Variants in KLF8 observed in about 807,000 individuals in gnomAD.
KLF8 encodes the protein KLF transcription factor 8.
Under a neutral mutation model 18.2 loss-of-function variants are expected in KLF8, and 10 were observed. That is an observed-to-expected ratio of 0.55 (90% CI 0.34 to 0.93). KLF8 has a LOEUF of 0.93. Among genes scored for constraint, KLF8 ranks in the 40% least tolerant of loss-of-function variants. KLF8 has a pLI of 0.02. For missense variants in KLF8, 264 were observed against 277.9 expected, an observed-to-expected ratio of 0.95 and a Z score of 0.36; for synonymous variants, 109 against 97.3, an observed-to-expected ratio of 1.12 and a Z score of -0.71.
the KLF8 span, among the ~76,000 whole-genome samples, chrX:56,068,042 GCCTCATGGTCTC>G: frequency 8.9e-6 from 1 of 112,201 alleles, no homozygotes; most frequent in African/African-American, 3.2e-5. Flanking sequence ...ATAGCCTTCA[GCCTCATGGTCTC>G]CCTTTTGTGT....
the KLF8 span, among the ~76,000 whole-genome samples, chrX:56,182,310 A>T: frequency 8.9e-6 from 1 of 112,420 alleles, no homozygotes; most frequent in Non-Finnish European, 1.9e-5. Flanking sequence ...TTTCAGCTCC[A>T]TGAGGTCATT....
At chrX:56,005,276 A>G in the KLF8 span, among the ~76,000 whole-genome samples, 1 of 110,458 alleles carries the variant, frequency 9.1e-6, no homozygotes, top group African/African-American at 3.3e-5. Flanking sequence ...AGGCACCAAT[A>G]TGTCCCCAAT....
the KLF8 span, among the ~76,000 whole-genome samples, chrX:56,131,588 G>T: frequency 9.0e-6 from 1 of 110,505 alleles, no homozygotes; most frequent in Non-Finnish European, 1.9e-5. Context: ...TAAAAAAAAA[G>T]GTATTCAGGC....
At chrX:55,978,163 A>G in the KLF8 span, among the ~76,000 whole-genome samples, 25 of 109,149 alleles carry the variant, frequency 2.3e-4, no homozygotes, top group African/African-American at 7.7e-4. Flanking sequence ...TTCCATTCTC[A>G]TTTTGATTTG....
At chrX:56,239,785 T>C (rs184420331) in intron 1 of KLF8, among the ~76,000 whole-genome samples, 94 of 112,402 alleles carry the variant, frequency 8.4e-4, no homozygotes, top group Admixed American at 2.9e-3. Context: ...GATGTAATCA[T>C]CTACATTTCT....
At chrX:56,028,919 G>T in the KLF8 span, among the ~76,000 whole-genome samples, 6 of 111,276 alleles carry the variant, frequency 5.4e-5, no homozygotes, top group African/African-American at 2.0e-4. Flanking sequence ...CATAAGTCCT[G>T]TACGGGCCGA....
chrX:56,185,571 G>T, the KLF8 span, among the ~76,000 whole-genome samples: 1 of 111,459 alleles, frequency 9.0e-6, no homozygotes, highest in Non-Finnish European at 1.9e-5. Context: ...ACACATAATT[G>T]TCAGATTCTC....
At chrX:55,918,520 A>G in the KLF8 span, among the ~76,000 whole-genome samples, 9 of 112,616 alleles carry the variant, frequency 8.0e-5, no homozygotes, top group African/African-American at 2.9e-4. Context: ...GGTGCCTTAA[A>G]ACAGCAGAAA....
chrX:55,972,397 G>A, the KLF8 span, among the ~76,000 whole-genome samples: 1 of 106,086 alleles, frequency 9.4e-6, no homozygotes, highest in East Asian at 3.0e-4. Context: ...AAAGGGTAGT[G>A]GGGCATTGGA....
the KLF8 span, among the ~76,000 whole-genome samples, chrX:56,137,605 G>A: frequency 1.2e-5 from 1 of 80,039 alleles, no homozygotes; most frequent in African/African-American, 5.3e-5. Context: ...AGGACTGTTG[G>A]GTGGGGGGAG....
Position 56,289,681 on chromosome X carries a change from T to C in KLF8, c.*5187T>C, listed in dbSNP as rs992713675. On this transcript the variant is annotated 3_prime_UTR_variant, in exon 6 of 6. Transcript: ENST00000468660. ...TGAGAAACCTGGCTCTCAACCTCTG[T>C]CATCTATTTACTTAATTTTTCAAAT... Among the ~76,000 whole-genome samples the C allele has an allele frequency of 1.3e-4, 15 of 111,736 alleles. No individual in the cohort carries two copies. Among genetic ancestry groups the C allele is most frequent in the African/African-American group, 4.9e-4 (15 of 30,747 alleles).
the KLF8 span, among the ~76,000 whole-genome samples, chrX:55,991,800 C>T: frequency 1.8e-5 from 2 of 112,461 alleles, no homozygotes; most frequent in East Asian, 5.5e-4. Flanking sequence ...GTCATTTTGA[C>T]TTGTGTGAGA....
the KLF8 span, among the ~76,000 whole-genome samples, chrX:55,996,629 C>T: frequency 5.4e-5 from 6 of 111,590 alleles, no homozygotes; most frequent in Admixed American, 9.4e-5. Flanking sequence ...TTTCTGGGGT[C>T]GAAGGATTAG....
the KLF8 span, among the ~76,000 whole-genome samples, chrX:56,197,025 A>G: frequency 8.9e-6 from 1 of 112,073 alleles, no homozygotes; most frequent in African/African-American, 3.2e-5. Flanking sequence ...AGGCAGAAAT[A>G]GAGATGTTCT....
chrX:56,051,676 A>C, the KLF8 span, among the ~76,000 whole-genome samples: 1 of 110,025 alleles, frequency 9.1e-6, no homozygotes, highest in East Asian at 2.8e-4. Context: ...GGGTAACCCG[A>C]CCTTTCTCTC....
the KLF8 span, among the ~76,000 whole-genome samples, chrX:56,177,066 A>C: frequency 9.1e-6 from 1 of 110,416 alleles, no homozygotes; most frequent in Non-Finnish European, 1.9e-5. Flanking sequence ...TTTAGCTCGG[A>C]GTAGTTTGAT....
the KLF8 span, among the ~76,000 whole-genome samples, chrX:56,085,764 A>G: frequency 8.9e-6 from 1 of 112,283 alleles, no homozygotes; most frequent in African/African-American, 3.2e-5. Flanking sequence ...ATATCTAGGG[A>G]CTTTATTACT....
the KLF8 span, among the ~76,000 whole-genome samples, chrX:55,930,709 C>T: frequency 8.9e-6 from 1 of 111,953 alleles, no homozygotes; most frequent in East Asian, 2.8e-4. Flanking sequence ...TATGTTGAAC[C>T]AGCCTTGCAT....
At chrX:56,230,914 TTAAG>T (rs1163027986), upstream of KLF8, among the ~76,000 whole-genome samples, 4 of 109,833 alleles carry the variant, frequency 3.6e-5, no homozygotes, top group Admixed American at 2.9e-4. Context: ...CCTGAAGAAA[TTAAG>T]TAAGGAGGGG....
Sources: allele counts gnomAD v4.1 joint callset (sites outside exome capture counted in the v4.1 genomes callset), GRCh38; gene constraint gnomAD v4.1.1; transcripts MANE v1.5; gene names NCBI Gene and HGNC (gene_info 2026-07-23, HGNC 2026-07-21).